Variants in DCDC1 observed in about 807,000 individuals in gnomAD.
DCDC1 encodes doublecortin domain containing 1.
DCDC1 carries 200 observed loss-of-function variants against 178.3 expected under a neutral mutation model. That is an observed-to-expected ratio of 1.12 (90% CI 1.00 to 1.26). DCDC1 has a LOEUF of 1.26. Among genes scored for constraint, DCDC1 ranks in the 50% most tolerant of loss-of-function variants. DCDC1 has a pLI of 0.00. For synonymous variants in DCDC1, 690 were observed against 604.8 expected (o/e 1.14, Z -2.07); for missense variants, 1,983 against 1,749.2 (o/e 1.13, Z -2.38).
chr11:31,330,502 G>A (rs1259039831), intron 2 of DCDC1, among the ~76,000 whole-genome samples: 1 of 152,156 alleles, frequency 6.6e-6, no homozygotes, highest in African/African-American at 2.4e-5. Context: ...TATTGCCTAA[G>A]TTTTCTTCTA....
At chr11:31,090,908 A>G (rs1264606824) in intron 17 of DCDC1, among the ~76,000 whole-genome samples, 2 of 152,196 alleles carry the variant, frequency 1.3e-5, no homozygotes, top group Non-Finnish European at 2.9e-5. Flanking sequence ...TTCTTCCTCA[A>G]TCTGCTTTCC....
chr11:31,104,131 A>T (rs922813034), intron 13 of DCDC1, among the ~76,000 whole-genome samples: 10 of 152,224 alleles, frequency 6.6e-5, no homozygotes, highest in Non-Finnish European at 1.2e-4. Flanking sequence ...GCTGATAATT[A>T]AATGAATTCT....
intron 17 of DCDC1, among the ~76,000 whole-genome samples, chr11:31,089,785 T>C (rs2135650846): frequency 6.6e-6 from 1 of 152,268 alleles, no homozygotes; most frequent in Admixed American, 6.5e-5. Context: ...TTGAGTTCTT[T>C]TATATCTTCC....
At chr11:31,049,825 G>A (rs1955119309) in intron 20 of DCDC1, among the ~76,000 whole-genome samples, 1 of 152,172 alleles carries the variant, frequency 6.6e-6, no homozygotes, top group African/African-American at 2.4e-5. Flanking sequence ...AAATACAGGG[G>A]TACAGGAAGC....
rs187975709 is a variant in DCDC1, at chr11:30,869,768, G to T, written c.*41-4436C>A. 1.3e-4 allele frequency among the ~76,000 whole-genome samples: 20 copies of T among 152,282 alleles called. No homozygotes were observed. The East Asian group carries it at 3.1e-3, about 24-fold the overall frequency. ...TGGAGTGCAGAACTCTGTGAACAAA[G>T]GGCTGAGAACCCAGACTTCAGAGCC... On this transcript the variant is annotated intron_variant, in intron 38 of 38. Transcript: ENST00000684477.
At chr11:31,009,981 G>C (rs1340408830) in intron 20 of DCDC1, among the ~76,000 whole-genome samples, 1 of 152,132 alleles carries the variant, frequency 6.6e-6, no homozygotes, top group East Asian at 1.9e-4. Flanking sequence ...ACTATCATGA[G>C]AACAGCATGA....
intron 17 of DCDC1, among the ~76,000 whole-genome samples, chr11:31,078,356 A>G (rs944924382): frequency 5.9e-5 from 9 of 152,220 alleles, no homozygotes; most frequent in African/African-American, 2.2e-4. Flanking sequence ...TGAAACAGCT[A>G]GAGAATTTTG....
intron 36 of DCDC1, among the ~76,000 whole-genome samples, chr11:30,891,910 T>C (rs989807751): frequency 6.6e-6 from 1 of 152,152 alleles, no homozygotes; most frequent in Non-Finnish European, 1.5e-5. Flanking sequence ...GGCAGAACCA[T>C]CTCAGGTGGC....
At chr11:31,295,549 C>T (rs143643513) in intron 6 of DCDC1, among the ~76,000 whole-genome samples, 37 of 152,214 alleles carry the variant, frequency 2.4e-4, no homozygotes, top group East Asian at 1.4e-3. Flanking sequence ...GGGAGACAGC[C>T]GACAGCCAAT....
chr11:31,321,499 C>T (rs943792197), intron 3 of DCDC1, among the ~76,000 whole-genome samples: 36 of 152,278 alleles, frequency 2.4e-4, no homozygotes, highest in African/African-American at 8.4e-4. Context: ...GGCAATGCCT[C>T]GCCCAGCTTC....
intron 20 of DCDC1, among the ~76,000 whole-genome samples, chr11:30,955,882 C>T (rs914886597): frequency 6.6e-6 from 1 of 152,104 alleles, no homozygotes; most frequent in Non-Finnish European, 1.5e-5. Context: ...CAACTCAAAG[C>T]CTATACTTGA....
rs1958661369 is a variant in DCDC1, at chr11:31,103,747, C to T, written c.1774G>A (p.Gly592Ser). ...GCACTCACTCGGTCAAAGGTCAAACCCAAAGCAAGATTTAGTGGAGATCTG... is the reference window on the plus strand; with the variant it reads ...GCACTCACTCGGTCAAAGGTCAAACTCAAAGCAAGATTTAGTGGAGATCTG... ...AYRSPLNLAL[G>S]LTFDRVSAFA... Residue 592 changes from glycine (G) to serine (S), a missense_variant, in exon 14 of 39, where the codon GGT becomes AGT. Physicochemically the swap from Gly to Ser is moderately conservative, Grantham distance 56. Coordinates refer to ENST00000684477, the MANE Select transcript of DCDC1 (RefSeq NM_001387274.1). The T allele has an allele frequency of 1.3e-6, 1 of 764,398 alleles. No individual in the cohort carries two copies. The highest frequency in any genetic ancestry group is 1.7e-5 in the Admixed American group (1 of 58,434). 47.4% of individuals were successfully genotyped at this position (764,398 alleles called of 1,614,324 possible).
At chr11:31,167,993 GT>G (rs1469024129) in intron 9 of DCDC1, among the ~76,000 whole-genome samples, 1 of 152,192 alleles carries the variant, frequency 6.6e-6, no homozygotes, top group Non-Finnish European at 1.5e-5. Flanking sequence ...CCCTGGGTAT[GT>G]GTGCACTCAT....
intron 9 of DCDC1, among the ~76,000 whole-genome samples, chr11:31,144,331 C>T (rs1006413372): frequency 9.9e-5 from 15 of 151,918 alleles, no homozygotes; most frequent in Admixed American, 2.6e-4. Flanking sequence ...TTTGTAGAGA[C>T]GGGGTTTCAC....
At chr11:31,323,764 C>A (rs1403329109) in intron 3 of DCDC1, among the ~76,000 whole-genome samples, 1 of 151,936 alleles carries the variant, frequency 6.6e-6, no homozygotes, top group African/African-American at 2.4e-5. Flanking sequence ...TACTGGAATG[C>A]AACCAATAAA....
chr11:31,251,890 G>A (rs1256808266), intron 8 of DCDC1, among the ~76,000 whole-genome samples: 1 of 152,164 alleles, frequency 6.6e-6, no homozygotes, highest in African/African-American at 2.4e-5. Flanking sequence ...AGTGATTTGA[G>A]TGCAGAGTGG....
intron 17 of DCDC1, among the ~76,000 whole-genome samples, chr11:31,089,066 T>C (rs570556247): frequency 6.6e-6 from 1 of 152,296 alleles, no homozygotes; most frequent in African/African-American, 2.4e-5. Context: ...TCTGGTATCA[T>C]TTTACTTCTG....
intron 2 of DCDC1, among the ~76,000 whole-genome samples, chr11:31,329,859 T>C (rs1949871065): frequency 1.3e-5 from 2 of 152,338 alleles, no homozygotes; most frequent in South Asian, 4.1e-4. Context: ...ACAATAAACA[T>C]ACGTGTACAT....
Position 31,305,762 on chromosome 11 carries a change from T to C in DCDC1, c.607A>G (p.Thr203Ala), listed in dbSNP as rs1454019069. ...PTITLLLEECTEKLNLNMAAR... is the reference protein window; with the variant it reads ...PTITLLLEECAEKLNLNMAAR... ...GCCATGTTCAGATTCAGCTTTTCTG[T>C]GCACTCCTCCAGCAGCTAGAAGAAA... The change falls in exon 6 of 39, where the codon ACA becomes GCA. Residue 203 changes from threonine (T) to alanine (A), a missense_variant. Transcript: ENST00000684477. 1 of 1,613,550 alleles carries C rather than the reference T, an allele frequency of 6.2e-7. No homozygotes were observed. Among genetic ancestry groups the C allele is most frequent in the Non-Finnish European group, 8.5e-7 (1 of 1,179,744 alleles).
Sources: allele counts gnomAD v4.1 joint callset (sites outside exome capture counted in the v4.1 genomes callset), GRCh38; gene constraint gnomAD v4.1.1; transcripts MANE v1.5; gene names NCBI Gene and HGNC (gene_info 2026-07-23, HGNC 2026-07-21).